Variants in LDLRAD4 observed in about 807,000 individuals in gnomAD.
LDLRAD4 encodes the protein low density lipoprotein receptor class A domain containing 4, also known as low-density lipoprotein receptor class A domain-containing protein 4.
In LDLRAD4, 5 loss-of-function variants were observed where a neutral mutation model predicts 17.0. The ratio of observed to expected loss-of-function variants is 0.29; its 90% CI spans 0.15 to 0.62. LDLRAD4 has a LOEUF of 0.62. LDLRAD4 is among the 20% of genes least tolerant of loss of function. The probability of loss-of-function intolerance (pLI) is 0.84; values close to 1 mark genes in which losing one functional copy is unlikely to be tolerated. For synonymous variants in LDLRAD4, 168 were observed against 171.8 expected, an observed-to-expected ratio of 0.98 and a Z score of 0.17; for missense variants, 340 against 424.7, an observed-to-expected ratio of 0.80 and a Z score of 1.75.
chr18:13,582,964 C>A (rs2094884270), intron 3 of LDLRAD4, among the ~76,000 whole-genome samples: 1 of 152,210 alleles, frequency 6.6e-6, no homozygotes, highest in Admixed American at 6.5e-5. Flanking sequence ...GATCTTCCCA[C>A]CTCAGCTTCC....
intron 1 of LDLRAD4, among the ~76,000 whole-genome samples, chr18:13,384,172 A>AT (rs1307794465): frequency 6.6e-6 from 1 of 152,208 alleles, no homozygotes; most frequent in Non-Finnish European, 1.5e-5. Flanking sequence ...TTAAGCCAGC[A>AT]TAAGAAAACT....
chr18:13,609,521 G>A (rs1374120412), intron 3 of LDLRAD4, among the ~76,000 whole-genome samples: 1 of 68,244 alleles, frequency 1.5e-5, no homozygotes, highest in African/African-American at 4.8e-5. Flanking sequence ...CATTATGCGT[G>A]TGTGTGTGCG....
chr18:13,272,143 C>G (rs2044593393), intron 1 of LDLRAD4, among the ~76,000 whole-genome samples: 1 of 152,216 alleles, frequency 6.6e-6, no homozygotes, highest in Admixed American at 6.5e-5. Context: ...ATCCACCCGC[C>G]TCAGCCTCCC....
At chr18:13,264,058 A>G (rs2044072391) in intron 1 of LDLRAD4, among the ~76,000 whole-genome samples, 3 of 152,158 alleles carry the variant, frequency 2.0e-5, no homozygotes, top group South Asian at 2.1e-4. Flanking sequence ...GGGAGGGGCT[A>G]TGATGGAGCA....
At chr18:13,545,674 G>A (rs950628772) in intron 3 of LDLRAD4, among the ~76,000 whole-genome samples, 1 of 152,230 alleles carries the variant, frequency 6.6e-6, no homozygotes, top group Non-Finnish European at 1.5e-5. Flanking sequence ...GGGAACTGAG[G>A]AGGGTGGGAA....
At chr18:13,350,725 T>C (rs913345817) in intron 1 of LDLRAD4, among the ~76,000 whole-genome samples, 6 of 152,218 alleles carry the variant, frequency 3.9e-5, no homozygotes, top group Non-Finnish European at 8.8e-5. Flanking sequence ...TCCTGAATGG[T>C]ATTGCCTAGG....
At chr18:13,225,036 A>G (rs533945700) in intron 1 of LDLRAD4, among the ~76,000 whole-genome samples, 6 of 150,944 alleles carry the variant, frequency 4.0e-5, no homozygotes, top group African/African-American at 1.2e-4. Flanking sequence ...GGGTTTCGTC[A>G]TGTTGGCCAG....
intron 3 of LDLRAD4, among the ~76,000 whole-genome samples, chr18:13,491,032 G>A (rs887487830): frequency 3.3e-5 from 5 of 152,176 alleles, no homozygotes; most frequent in Non-Finnish European, 7.3e-5. Context: ...ACAGTGGGTG[G>A]CCAAGTCGTC....
At chr18:13,583,082 C>G (rs2094885691) in intron 3 of LDLRAD4, among the ~76,000 whole-genome samples, 1 of 152,008 alleles carries the variant, frequency 6.6e-6, no homozygotes, top group African/African-American at 2.4e-5. Flanking sequence ...GTCTCTGGGT[C>G]TTTTTGATTA....
At chr18:13,543,576 A>G (rs962903355) in intron 3 of LDLRAD4, 1 of 152,264 alleles carries the variant, frequency 6.6e-6, no homozygotes, top group Non-Finnish European at 1.5e-5. Context: ...ACATGATTGC[A>G]TTATTGTTAA....
chr18:13,430,505 G>A (rs9960458), intron 2 of LDLRAD4, among the ~76,000 whole-genome samples: 6 of 151,952 alleles, frequency 3.9e-5, no homozygotes, highest in Non-Finnish European at 5.9e-5. Flanking sequence ...ATGCCTTGGC[G>A]CCCAAAGTCT....
chr18:13,565,959 GC>G (rs2094595722), intron 3 of LDLRAD4, among the ~76,000 whole-genome samples: 1 of 152,252 alleles, frequency 6.6e-6, no homozygotes, highest in African/African-American at 2.4e-5. Context: ...AAGCCGAGCT[GC>G]TGCTCCAAGG....
intron 1 of LDLRAD4, among the ~76,000 whole-genome samples, chr18:13,327,258 C>T (rs187616599): frequency 4.6e-5 from 7 of 152,178 alleles, no homozygotes; most frequent in African/African-American, 1.7e-4. Flanking sequence ...ACTTGTGAAT[C>T]CTTCCCACAG....
intron 3 of LDLRAD4, among the ~76,000 whole-genome samples, chr18:13,506,413 G>A (rs1191849965): frequency 1.6e-5 from 2 of 128,828 alleles, no homozygotes; most frequent in Admixed American, 2.1e-4. Flanking sequence ...GTTTACGGTA[G>A]GCTTGAATTT....
chr18:13,519,845 A>G (rs1357863753), intron 3 of LDLRAD4: 1 of 152,218 alleles, frequency 6.6e-6, no homozygotes, highest in East Asian at 1.9e-4. Context: ...GTGCTGGTTT[A>G]CCAGCTCATA....
At chr18:13,420,073 A>AG (rs1178784214) in intron 2 of LDLRAD4, 1 of 152,164 alleles carries the variant, frequency 6.6e-6, no homozygotes, top group African/African-American at 2.4e-5. Context: ...CCTTTTTAAA[A>AG]GGGGGGTTCT....
intron 3 of LDLRAD4, among the ~76,000 whole-genome samples, chr18:13,494,720 A>T (rs2093430131): frequency 3.5e-5 from 5 of 144,150 alleles, no homozygotes; most frequent in African/African-American, 1.3e-4. Flanking sequence ...ATATATACAC[A>T]TACACATTGA....
chr18:13,492,988 G>A (rs766462550), intron 3 of LDLRAD4, among the ~76,000 whole-genome samples: 10 of 152,094 alleles, frequency 6.6e-5, no homozygotes, highest in African/African-American at 2.4e-4. Flanking sequence ...GCATGGTTGT[G>A]TGTGCCTGTA....
chr18:13,590,716 T>C (rs2095013351), intron 3 of LDLRAD4, among the ~76,000 whole-genome samples: 3 of 152,232 alleles, frequency 2.0e-5, no homozygotes, highest in Admixed American at 6.5e-5. Flanking sequence ...ACTGATTCAT[T>C]CTGTACCTGC....
Sources: gnomAD v4.1 joint callset for allele counts (sites outside exome capture counted in the v4.1 genomes callset) on GRCh38, gnomAD v4.1.1 for gene constraint, MANE v1.5 for transcripts, NCBI Gene and HGNC (gene_info 2026-07-23, HGNC 2026-07-21) for gene names.